Variants in FHIT observed in about 807,000 individuals in gnomAD.
The protein encoded by FHIT is bis(5'-adenosyl)-triphosphatase.
In FHIT, 19 loss-of-function variants were observed where a neutral mutation model predicts 17.9. The ratio of observed to expected loss-of-function variants is 1.06; its 90% CI spans 0.74 to 1.56. The LOEUF is 1.56. Ranked by LOEUF, FHIT falls within the 40% of genes most tolerant of loss-of-function variation. The probability of loss-of-function intolerance (pLI) is 0.00; values close to 1 mark genes in which losing one functional copy is unlikely to be tolerated. For synonymous variants in FHIT, 81 were observed against 69.7 expected (o/e 1.16, Z -0.81); for missense variants, 248 against 189.2 (o/e 1.31, Z -1.82).
intron 5 of FHIT, among the ~76,000 whole-genome samples, chr3:60,215,041 T>G (rs952833137): frequency 2.0e-5 from 3 of 151,942 alleles, no homozygotes; most frequent in Non-Finnish European, 4.4e-5. Flanking sequence ...GAGGGGCACA[T>G]GGATTCAAAG....
intron 4 of FHIT, among the ~76,000 whole-genome samples, chr3:60,612,318 A>G (rs1179021959): frequency 1.3e-5 from 2 of 152,206 alleles, no homozygotes; most frequent in Non-Finnish European, 2.9e-5. Context: ...GACTCTATGG[A>G]TATACATATA....
chr3:60,703,995 TTA>T (rs1553702857), intron 4 of FHIT, among the ~76,000 whole-genome samples: 4 of 150,540 alleles, frequency 2.7e-5, no homozygotes, highest in African/African-American at 1.0e-4. Context: ...AAATTTTTTT[TTA>T]AAAAAAATCT....
intron 5 of FHIT, among the ~76,000 whole-genome samples, chr3:60,283,191 G>C (rs1261639816): frequency 6.6e-6 from 1 of 151,946 alleles, no homozygotes; most frequent in Non-Finnish European, 1.5e-5. Context: ...CTGGAAATCT[G>C]GAAAGAACTG....
chr3:60,096,290 C>T (rs1197637919), intron 5 of FHIT, among the ~76,000 whole-genome samples: 1 of 152,142 alleles, frequency 6.6e-6, no homozygotes, highest in South Asian at 2.1e-4. Context: ...AGGGGTGGTC[C>T]CCCTATCTGA....
At chr3:61,119,272 G>A (rs1458442272) in intron 2 of FHIT, among the ~76,000 whole-genome samples, 1 of 151,896 alleles carries the variant, frequency 6.6e-6, no homozygotes, top group Non-Finnish European at 1.5e-5. Context: ...AGGCTGGAGT[G>A]CACTGGTGTG....
At chr3:60,949,384 C>A (rs1446902091) in intron 3 of FHIT, among the ~76,000 whole-genome samples, 2 of 152,188 alleles carry the variant, frequency 1.3e-5, no homozygotes, top group African/African-American at 4.8e-5. Context: ...GATGTACCAC[C>A]TTCCCACTCC....
intron 8 of FHIT, among the ~76,000 whole-genome samples, chr3:59,761,396 G>A (rs1701505540): frequency 6.6e-6 from 1 of 152,138 alleles, no homozygotes; most frequent in Non-Finnish European, 1.5e-5. Context: ...CCCAGTGGAT[G>A]CCTGAAACCA....
chr3:60,381,241 G>GCTGAGGTGGGCAGATCAC (rs1354428913), intron 5 of FHIT, among the ~76,000 whole-genome samples: 1 of 152,136 alleles, frequency 6.6e-6, no homozygotes, highest in African/African-American at 2.4e-5. Flanking sequence ...ACTTTGGGAG[G>GCTGAGGTGGGCAGATCAC]CTGAGGTGGG....
intron 5 of FHIT, among the ~76,000 whole-genome samples, chr3:60,372,377 A>C (rs1480291896): frequency 3.9e-5 from 6 of 152,212 alleles, no homozygotes; most frequent in Non-Finnish European, 8.8e-5. Context: ...TTGGAAGGTT[A>C]ATCTGATTGT....
intron 5 of FHIT, among the ~76,000 whole-genome samples, chr3:60,499,575 T>C (rs1432602221): frequency 6.6e-6 from 1 of 152,132 alleles, no homozygotes; most frequent in East Asian, 1.9e-4. Context: ...GTATCTTTAG[T>C]AGAGACGGGG....
intron 3 of FHIT, among the ~76,000 whole-genome samples, chr3:61,026,741 C>T (rs935429133): frequency 6.6e-6 from 1 of 152,016 alleles, no homozygotes; most frequent in Non-Finnish European, 1.5e-5. Flanking sequence ...CCCAGGGAAG[C>T]CAAAAGATTG....
intron 5 of FHIT, among the ~76,000 whole-genome samples, chr3:60,244,933 T>C (rs1705316606): frequency 6.6e-6 from 1 of 152,062 alleles, no homozygotes. Flanking sequence ...TCATAAAAAA[T>C]GTATAGCTTC....
intron 5 of FHIT, among the ~76,000 whole-genome samples, chr3:60,164,421 C>T (rs115956412): frequency 6.6e-6 from 1 of 152,338 alleles, no homozygotes; most frequent in African/African-American, 2.4e-5. Flanking sequence ...AAAACACACA[C>T]CACGACCTGA....
intron 7 of FHIT, among the ~76,000 whole-genome samples, chr3:59,966,989 TTTTC>T (rs1202539040): frequency 4.1e-4 from 63 of 152,302 alleles, no homozygotes; most frequent in Admixed American, 2.5e-3. Context: ...TACAAAAATA[TTTTC>T]TTTCTTTATT....
chr3:60,232,860 C>T (rs549757891), intron 5 of FHIT, among the ~76,000 whole-genome samples: 3 of 152,274 alleles, frequency 2.0e-5, no homozygotes, highest in African/African-American at 4.8e-5. Context: ...CACTCTCCTG[C>T]GTACAACTCC....
chr3:60,776,401 C>T (rs797027288), intron 4 of FHIT, among the ~76,000 whole-genome samples: 5 of 152,280 alleles, frequency 3.3e-5, no homozygotes, highest in African/African-American at 1.2e-4. Flanking sequence ...AAGTCTGGTA[C>T]CTTTCAGTTC....
intron 4 of FHIT, among the ~76,000 whole-genome samples, chr3:60,725,349 A>G (rs139440607): frequency 1.5e-3 from 231 of 152,326 alleles, no homozygotes; most frequent in Non-Finnish European, 2.7e-3. Flanking sequence ...ACCGTAGCTA[A>G]GAAACCATTG....
intron 5 of FHIT, among the ~76,000 whole-genome samples, chr3:60,517,619 A>G (rs1263345078): frequency 6.6e-6 from 1 of 152,240 alleles, no homozygotes; most frequent in Non-Finnish European, 1.5e-5. Context: ...ACAATATTGC[A>G]GAAAGCATTT....
At chr3:59,861,010 G>A (rs777038167) in intron 8 of FHIT, among the ~76,000 whole-genome samples, 15 of 152,214 alleles carry the variant, frequency 9.9e-5, no homozygotes, top group Non-Finnish European at 1.9e-4. Context: ...GGAAGAAAGA[G>A]GGGAGTCTGA....
Sources: allele counts gnomAD v4.1 joint callset (sites outside exome capture counted in the v4.1 genomes callset), GRCh38; gene constraint gnomAD v4.1.1; transcripts MANE v1.5; gene names NCBI Gene and HGNC (gene_info 2026-07-23, HGNC 2026-07-21).